ADCY5: variants seen among roughly 807,000 people sequenced by gnomAD.
ADCY5 encodes adenylate cyclase type 5.
A neutral mutation model predicts 119.7 loss-of-function variants in ADCY5; 30 were observed. The ratio of observed to expected loss-of-function variants is 0.25; its 90% CI spans 0.19 to 0.34. ADCY5 has a LOEUF of 0.34. ADCY5 is among the 10% of genes least tolerant of loss of function. ADCY5 has a pLI of 1.00. For missense variants in ADCY5, 1,324 were observed against 1,775.2 expected, an observed-to-expected ratio of 0.75 and a Z score of 4.57; for synonymous variants, 753 against 762.2, an observed-to-expected ratio of 0.99 and a Z score of 0.20.
chr3:123,395,930 A>AGAAG (rs909657839), intron 1 of ADCY5, among the ~76,000 whole-genome samples: 3 of 146,132 alleles, frequency 2.1e-5, no homozygotes, highest in South Asian at 2.2e-4. Context: ...AGGAGTGGAG[A>AGAAG]GAAGGAAGGA....
chr3:123,416,380 C>T, intron 1 of ADCY5: 1 of 1,495,500 alleles, frequency 6.7e-7, no homozygotes, highest in Non-Finnish European at 8.9e-7. Flanking sequence ...GGGAAGACAC[C>T]AGGCTGCTTA....
chr3:123,367,124 C>T (rs988317204), intron 1 of ADCY5, among the ~76,000 whole-genome samples: 1 of 152,224 alleles, frequency 6.6e-6, no homozygotes, highest in East Asian at 1.9e-4. Context: ...TCCAACCGTG[C>T]TAGATCCATG....
rs1250264490 is a variant in ADCY5, at chr3:123,284,602, CA to C, written c.*5del. On this transcript the variant is annotated 3_prime_UTR_variant, in exon 21 of 21. Coordinates refer to ENST00000462833, the MANE Select transcript of ADCY5 (RefSeq NM_183357.3). ...CAGGCTGCCTGGCACCATTGGCCAA[CA>C]GCTGCTAACTGAGCGGGGGCCCTCC... 1.2e-6 allele frequency: 2 copies of C among 1,614,080 alleles called. No homozygotes were observed. The highest frequency in any genetic ancestry group is 2.2e-5 in the East Asian group (1 of 44,890).
At chr3:123,306,069 G>A (rs373224397) in intron 12 of ADCY5, among the ~76,000 whole-genome samples, 7 of 152,326 alleles carry the variant, frequency 4.6e-5, no homozygotes, top group African/African-American at 1.4e-4. Context: ...CAAACACTGG[G>A]ATAATAAAGG....
chr3:123,343,830 C>T (rs1370047912), intron 3 of ADCY5, among the ~76,000 whole-genome samples: 3 of 152,218 alleles, frequency 2.0e-5, no homozygotes, highest in Admixed American at 2.0e-4. Context: ...AGCATGGGCC[C>T]TGGCTCCAGC....
At chr3:123,346,208 C>T (rs1056254807) in intron 3 of ADCY5, among the ~76,000 whole-genome samples, 12 of 152,238 alleles carry the variant, frequency 7.9e-5, no homozygotes, top group Admixed American at 3.9e-4. Flanking sequence ...AGGGAAATGG[C>T]ACATCTGCAC....
intron 1 of ADCY5, among the ~76,000 whole-genome samples, chr3:123,403,946 C>T (rs969925072): frequency 1.3e-5 from 2 of 152,210 alleles, no homozygotes; most frequent in Non-Finnish European, 2.9e-5. Context: ...TGTAGCCTTC[C>T]TTACATGCTA....
chr3:123,446,683 G>A (rs765796300), intron 1 of ADCY5, among the ~76,000 whole-genome samples: 11 of 152,138 alleles, frequency 7.2e-5, no homozygotes, highest in Non-Finnish European at 1.2e-4. Flanking sequence ...GGGATAAAAT[G>A]TCCCTACCAC....
In ADCY5 at chr3:123,330,904, A is replaced by T; in HGVS notation, c.1631T>A (p.Met544Lys). The T allele has an allele frequency of 6.2e-7, 1 of 1,612,912 alleles. No individual in the cohort carries two copies. Among genetic ancestry groups the T allele is most frequent in the Non-Finnish European group, 8.5e-7 (1 of 1,179,498 alleles). ...GGACACTTACGAGATGGCCTCGATC[A>T]TGTCCATGCCCATCTCCACACAGCA... ...AHCCVEMGMD[M>K]IEAISLVREV... is the part of the protein sequence containing the mutation. The change falls in exon 5 of 21, where the codon ATG becomes AAG. Residue 544 changes from methionine to lysine, a missense_variant. Physicochemically the swap from Met to Lys is moderately conservative, Grantham distance 95. This residue lies in a region of ADCY5 where 123 missense variants were observed against 287.9 expected (regional missense o/e 0.43). Transcript: ENST00000462833.
At chr3:123,412,117 G>C (rs1244686879) in intron 1 of ADCY5, among the ~76,000 whole-genome samples, 1 of 152,176 alleles carries the variant, frequency 6.6e-6, no homozygotes, top group Non-Finnish European at 1.5e-5. Context: ...CATAGGGGAG[G>C]ATGGGAAGAG....
chr3:123,388,954 C>T (rs1418873320), intron 1 of ADCY5, among the ~76,000 whole-genome samples: 1 of 152,112 alleles, frequency 6.6e-6, no homozygotes, highest in East Asian at 1.9e-4. Flanking sequence ...TACTGGGGAC[C>T]TGTGTCCCTA....
rs1938430842 is a variant in ADCY5, at chr3:123,282,378, G to C, written c.*2230C>G. ...GGAAATCATAATCGTATCTGTTTTT[G>C]CAAGAGTAGGAATAAAAAGAGTGCA... On this transcript the variant is annotated 3_prime_UTR_variant, in exon 21 of 21. Transcript: ENST00000462833. 6.6e-6 allele frequency: 1 copy of C among 152,212 alleles called. No individual in the cohort carries two copies. Among genetic ancestry groups the C allele is most frequent in the Admixed American group, 6.5e-5 (1 of 15,280 alleles). 9.4% of individuals were successfully genotyped at this position (152,212 alleles called of 1,614,324 possible).
chr3:123,343,402 A>G (rs1157430601), intron 3 of ADCY5, among the ~76,000 whole-genome samples: 1 of 152,122 alleles, frequency 6.6e-6, no homozygotes, highest in Non-Finnish European at 1.5e-5. Flanking sequence ...GAGGAAACTG[A>G]GGCTCCGATT....
chr3:123,431,120 C>T (rs1945513926), intron 1 of ADCY5, among the ~76,000 whole-genome samples: 1 of 152,226 alleles, frequency 6.6e-6, no homozygotes, highest in Non-Finnish European at 1.5e-5. Flanking sequence ...CGGACTAACA[C>T]TGCTATCTAC....
intron 12 of ADCY5, among the ~76,000 whole-genome samples, chr3:123,306,767 G>T (rs1388063401): frequency 6.6e-6 from 1 of 152,174 alleles, no homozygotes; most frequent in Non-Finnish European, 1.5e-5. Flanking sequence ...ATCTGAAACA[G>T]GGACTTGCAC....
At chr3:123,302,707 A>T (rs1448522887) in intron 14 of ADCY5, among the ~76,000 whole-genome samples, 1 of 152,190 alleles carries the variant, frequency 6.6e-6, no homozygotes, top group Non-Finnish European at 1.5e-5. Flanking sequence ...CTCTCTGTGT[A>T]TCAGGTTCTT....
At chr3:123,360,056 T>C (rs1241390446) in intron 1 of ADCY5, among the ~76,000 whole-genome samples, 3 of 141,524 alleles carry the variant, frequency 2.1e-5, no homozygotes, top group Admixed American at 7.2e-5. Context: ...AATTAGGTGC[T>C]TAATGTTTTT....
chr3:123,311,428 C>T (rs1940572766), intron 12 of ADCY5, among the ~76,000 whole-genome samples: 1 of 152,220 alleles, frequency 6.6e-6, no homozygotes, highest in Admixed American at 6.5e-5. Context: ...CCGCCATGCA[C>T]ATGGCAGGAG....
At chr3:123,409,279 G>C (rs1944984700) in intron 1 of ADCY5, among the ~76,000 whole-genome samples, 1 of 152,104 alleles carries the variant, frequency 6.6e-6, no homozygotes, top group Non-Finnish European at 1.5e-5. Flanking sequence ...ATGTGCTAGG[G>C]GCTGTGCTAG....
Sources: allele counts gnomAD v4.1 joint callset (sites outside exome capture counted in the v4.1 genomes callset), GRCh38; gene constraint gnomAD v4.1.1; regional missense constraint gnomAD v4.1.1; transcripts MANE v1.5; gene names NCBI Gene and HGNC (gene_info 2026-07-23, HGNC 2026-07-21).